KMT2C: variants seen among roughly 807,000 people sequenced by gnomAD.
KMT2C encodes lysine methyltransferase 2C, also known as histone-lysine N-methyltransferase 2C.
KMT2C carries 88 observed loss-of-function variants against 507.9 expected under a neutral mutation model. The ratio of observed to expected loss-of-function variants is 0.17; its 90% CI spans 0.15 to 0.21. KMT2C has a LOEUF of 0.21. Among genes scored for constraint, KMT2C ranks in the 10% least tolerant of loss-of-function variants. The pLI is 1.00. For missense variants in KMT2C, 4,954 were observed against 5,957.8 expected (o/e 0.83, Z 5.55); for synonymous variants, 2,049 against 2,080.8 (o/e 0.98, Z 0.42).
chr7:152,304,743 G>A (rs2096600130), intron 6 of KMT2C, among the ~76,000 whole-genome samples: 1 of 152,110 alleles, frequency 6.6e-6, no homozygotes, highest in South Asian at 2.1e-4. Flanking sequence ...ATCTCACTAT[G>A]TTGCTCAGGC....
intron 1 of KMT2C, among the ~76,000 whole-genome samples, chr7:152,395,468 C>T (rs1490709260): frequency 1.3e-5 from 2 of 152,030 alleles, no homozygotes; most frequent in African/African-American, 2.4e-5. Context: ...GAATTATAGG[C>T]ATGAGCCACA....
chr7:152,242,881 G>A (rs1324449211), intron 14 of KMT2C, among the ~76,000 whole-genome samples: 2 of 152,068 alleles, frequency 1.3e-5, no homozygotes, highest in Non-Finnish European at 2.9e-5. Flanking sequence ...ATCAACCCCA[G>A]CCCCACACTC....
chr7:152,288,047 C>G (rs1403196085), intron 6 of KMT2C, among the ~76,000 whole-genome samples: 1 of 111,200 alleles, frequency 9.0e-6, no homozygotes, highest in African/African-American at 3.7e-5. Context: ...AAAAAAAAAG[C>G]AATTACAAAC....
Position 152,176,487 on chromosome 7 carries a change from A to T in KMT2C, c.8966T>A (p.Val2989Glu), listed in dbSNP as rs984646310. 2.5e-6 allele frequency: 4 copies of T among 1,613,996 alleles called. No individual in the cohort carries two copies. Among genetic ancestry groups the T allele is most frequent in the Middle Eastern group, 1.6e-4 (1 of 6,084 alleles). Residue 2989 changes from valine to glutamate, a missense_variant, in exon 38 of 59, where the codon GTA (valine) becomes GAA (glutamate). Physicochemically the swap from Val to Glu is moderately radical, Grantham distance 121. Transcript: ENST00000262189. ...TTGACCTGGAATGAGCCCTGGGTTT[A>T]CCTGCACACCCTGAGAAAAAACATG... The part of the protein sequence containing the change: ...VNHVFSQGVQ[V>E]NPGLIPGQST...
intron 2 of KMT2C, among the ~76,000 whole-genome samples, chr7:152,334,912 C>T (rs1589263204): frequency 6.6e-6 from 1 of 152,170 alleles, no homozygotes; most frequent in African/African-American, 2.4e-5. Flanking sequence ...GTCTCTGTTA[C>T]AGCAGTTTAA....
At chr7:152,400,502 G>T (rs116116593) in intron 1 of KMT2C, among the ~76,000 whole-genome samples, 1,803 of 152,210 alleles carry the variant, frequency 0.012, 41 homozygotes, top group African/African-American at 0.042. Context: ...ACCCACAAAG[G>T]AAGAAGAATC....
In KMT2C at chr7:152,176,870, G is replaced by A. The variant is rs2129113796; in HGVS notation, c.8583C>T (p.Asp2861=). ...TPCSQASAHS[D]LNDGEKTSLH... ...AAGAAGTCTTTTCTCCATCATTTAG[G>A]TCTGAGTGAGCAGAAGCCTGTGAGC... Residue 2861 remains aspartate, a synonymous_variant, in exon 38 of 59, where the codon GAC becomes GAT. Transcript: ENST00000262189. The A allele has an allele frequency of 1.2e-6, 2 of 1,614,136 alleles. No homozygotes were observed. Among genetic ancestry groups the A allele is most frequent in the Non-Finnish European group, 1.7e-6 (2 of 1,180,004 alleles).
At chr7:152,387,835 G>A (rs570179134) in intron 1 of KMT2C, among the ~76,000 whole-genome samples, 38 of 151,550 alleles carry the variant, frequency 2.5e-4, no homozygotes, top group East Asian at 7.8e-4. Context: ...ATACATACAC[G>A]TCTTATCTAC....
intron 2 of KMT2C, among the ~76,000 whole-genome samples, chr7:152,339,839 CATAT>C (rs926071062): frequency 6.6e-5 from 10 of 151,952 alleles, no homozygotes; most frequent in Admixed American, 2.0e-4. Context: ...AGATAAATCT[CATAT>C]ATAGATACAA....
chr7:152,411,597 TAA>T (rs10706260), intron 1 of KMT2C, among the ~76,000 whole-genome samples: 1 of 134,186 alleles, frequency 7.5e-6, no homozygotes, highest in African/African-American at 2.8e-5. Flanking sequence ...AGCAGGCACC[TAA>T]AAAAAGGTGG....
At chr7:152,167,772 T>G (rs1013656686) in intron 41 of KMT2C, among the ~76,000 whole-genome samples, 6 of 152,268 alleles carry the variant, frequency 3.9e-5, no homozygotes, top group African/African-American at 1.4e-4. Flanking sequence ...CAAAGACATA[T>G]CCCATTAAGG....
At chr7:152,361,487 C>T (rs1327084722) in intron 1 of KMT2C, among the ~76,000 whole-genome samples, 3 of 151,700 alleles carry the variant, frequency 2.0e-5, no homozygotes, top group African/African-American at 4.8e-5. Flanking sequence ...GGCGTGAACC[C>T]GGGAGGCAGA....
intron 55 of KMT2C, among the ~76,000 whole-genome samples, 161 bp from the exon 56 acceptor site, chr7:152,139,952 T>C (rs1185301391): frequency 6.6e-6 from 1 of 152,218 alleles, no homozygotes; most frequent in Non-Finnish European, 1.5e-5. Context: ...ATTTTAAAAA[T>C]TGGACATTTT....
intron 6 of KMT2C, among the ~76,000 whole-genome samples, chr7:152,284,167 T>C (rs1005571163): frequency 3.9e-5 from 6 of 152,160 alleles, no homozygotes; most frequent in Non-Finnish European, 8.8e-5. Context: ...TTTAAAGATA[T>C]GTAATTGTGC....
At chr7:152,335,645 A>G (rs1409710941) in intron 2 of KMT2C, among the ~76,000 whole-genome samples, 10 of 152,198 alleles carry the variant, frequency 6.6e-5, no homozygotes, top group East Asian at 1.9e-4. Context: ...AGCGAAGTAT[A>G]TAACAGTTTC....
chr7:152,239,255 A>G (rs4024417), intron 14 of KMT2C, among the ~76,000 whole-genome samples: 171 of 129,404 alleles, frequency 1.3e-3, no homozygotes, highest in East Asian at 2.1e-3. Flanking sequence ...AACCATAAGG[A>G]ATTCTATATT....
chr7:152,280,420 G>A (rs115683262), intron 6 of KMT2C, among the ~76,000 whole-genome samples: 3,072 of 152,092 alleles, frequency 0.02, 75 homozygotes, highest in African/African-American at 0.069. Context: ...GCGTGGTGGC[G>A]CACGCCTGTA....
intron 1 of KMT2C, among the ~76,000 whole-genome samples, chr7:152,408,280 T>C (rs2097641838): frequency 6.7e-6 from 1 of 149,544 alleles, no homozygotes; most frequent in Non-Finnish European, 1.5e-5. Flanking sequence ...AGAGTGAGAC[T>C]CCATCTCAAA....
chr7:152,428,739 C>T (rs183670458), intron 1 of KMT2C, among the ~76,000 whole-genome samples: 3 of 152,252 alleles, frequency 2.0e-5, no homozygotes, highest in African/African-American at 7.2e-5. Context: ...ATCAGTTTCA[C>T]CTTAAGCAGG....
Sources: gnomAD v4.1 joint callset for allele counts (sites outside exome capture counted in the v4.1 genomes callset) on GRCh38, gnomAD v4.1.1 for gene constraint, MANE v1.5 for transcripts, NCBI Gene and HGNC (gene_info 2026-07-23, HGNC 2026-07-21) for gene names.